MAF: variants seen among roughly 807,000 people sequenced by gnomAD.
MAF encodes transcription factor Maf.
In MAF, 10 loss-of-function variants were observed where a neutral mutation model predicts 22.0. The observed-to-expected ratio is 0.45, with a 90% CI of 0.28 to 0.77. The LOEUF (loss-of-function observed/expected upper bound fraction) is 0.77. MAF is among the 30% of genes least tolerant of loss of function. The pLI, the probability that MAF is intolerant of heterozygous loss-of-function variation, is 0.12. For synonymous variants in MAF, 337 were observed against 255.8 expected, an observed-to-expected ratio of 1.32 and a Z score of -3.03; for missense variants, 544 against 548.4, an observed-to-expected ratio of 0.99 and a Z score of 0.08.
At chr16:79,298,816 T>C in the MAF span, among the ~76,000 whole-genome samples, 31 of 152,238 alleles carry the variant, frequency 2.0e-4, no homozygotes, top group Non-Finnish European at 3.7e-4. Flanking sequence ...TTTGGAGGGC[T>C]TCCAGAGGCC....
the MAF span, among the ~76,000 whole-genome samples, chr16:79,355,620 A>G: frequency 1.3e-5 from 2 of 152,222 alleles, no homozygotes; most frequent in African/African-American, 2.4e-5. Context: ...GAGAATAAGC[A>G]TACAGTAGGG....
the MAF span, among the ~76,000 whole-genome samples, chr16:79,501,919 G>A: frequency 2.0e-5 from 3 of 152,182 alleles, no homozygotes; most frequent in East Asian, 5.8e-4. Context: ...CCAGCGGCTT[G>A]AAGGGCATCT....
At chr16:79,486,078 G>A in the MAF span, among the ~76,000 whole-genome samples, 1 of 152,168 alleles carries the variant, frequency 6.6e-6, no homozygotes, top group Non-Finnish European at 1.5e-5. Flanking sequence ...TAATAAACCT[G>A]ATTACGGAGT....
At chr16:79,214,626 T>A in the MAF span, among the ~76,000 whole-genome samples, 1 of 150,444 alleles carries the variant, frequency 6.6e-6, no homozygotes, top group Non-Finnish European at 1.5e-5. Context: ...AGGCTGGTCT[T>A]GAACTCCTGA....
At chr16:79,530,427 C>T in the MAF span, among the ~76,000 whole-genome samples, 1 of 152,098 alleles carries the variant, frequency 6.6e-6, no homozygotes, top group Non-Finnish European at 1.5e-5. Flanking sequence ...TATTGGGAAG[C>T]AGTTTTACTC....
the MAF span, among the ~76,000 whole-genome samples, chr16:79,546,086 A>G: frequency 3.3e-5 from 5 of 152,128 alleles, no homozygotes; most frequent in African/African-American, 1.2e-4. Context: ...TACATTGGAA[A>G]AAATAAACAA....
chr16:79,300,485 G>A, the MAF span, among the ~76,000 whole-genome samples: 2 of 152,096 alleles, frequency 1.3e-5, no homozygotes, highest in African/African-American at 4.8e-5. Flanking sequence ...AACCCGGGAG[G>A]TGGAGGTTGC....
the MAF span, among the ~76,000 whole-genome samples, chr16:79,461,994 C>G: frequency 1.3e-5 from 2 of 152,164 alleles, no homozygotes; most frequent in African/African-American, 4.8e-5. Flanking sequence ...CACCTGCCAC[C>G]CATTCCAGGA....
the MAF span, among the ~76,000 whole-genome samples, chr16:79,562,081 C>T: frequency 6.6e-6 from 1 of 152,192 alleles, no homozygotes; most frequent in African/African-American, 2.4e-5. Context: ...CCTTGCTCTA[C>T]TTGGAAAACA....
At chr16:79,303,043 A>C in the MAF span, among the ~76,000 whole-genome samples, 1 of 152,188 alleles carries the variant, frequency 6.6e-6, no homozygotes, top group African/African-American at 2.4e-5. Flanking sequence ...CTTTTATCTG[A>C]AACTGCAAAT....
chr16:79,349,589 C>G, the MAF span, among the ~76,000 whole-genome samples: 1 of 152,198 alleles, frequency 6.6e-6, no homozygotes. Context: ...TACGGCCTGC[C>G]TCTCCATAGG....
At chr16:79,435,042 C>A in the MAF span, among the ~76,000 whole-genome samples, 1 of 152,248 alleles carries the variant, frequency 6.6e-6, no homozygotes, top group South Asian at 2.1e-4. Flanking sequence ...TGTGGAGAAG[C>A]GAAGTGAGTT....
At chr16:79,431,169 C>G in the MAF span, among the ~76,000 whole-genome samples, 1 of 152,144 alleles carries the variant, frequency 6.6e-6, no homozygotes, top group Non-Finnish European at 1.5e-5. Flanking sequence ...CACCCCATCC[C>G]TCAACCAAGC....
the MAF span, among the ~76,000 whole-genome samples, chr16:79,414,269 T>C: frequency 6.6e-6 from 1 of 152,226 alleles, no homozygotes; most frequent in Non-Finnish European, 1.5e-5. Context: ...CTTACAGTTC[T>C]CAAGCTGTAC....
chr16:79,540,705 C>T, the MAF span, among the ~76,000 whole-genome samples: 1 of 152,150 alleles, frequency 6.6e-6, no homozygotes, highest in Non-Finnish European at 1.5e-5. Flanking sequence ...CAATGTAGAT[C>T]GAATTTTGCG....
At chr16:79,304,001 T>C in the MAF span, among the ~76,000 whole-genome samples, 2 of 152,230 alleles carry the variant, frequency 1.3e-5, no homozygotes, top group African/African-American at 2.4e-5. Flanking sequence ...TTTGGATACA[T>C]TCAGTGGAAA....
chr16:79,245,034 AC>A, the MAF span, among the ~76,000 whole-genome samples: 3 of 151,996 alleles, frequency 2.0e-5, no homozygotes, highest in Non-Finnish European at 2.9e-5. Flanking sequence ...CTGAAACTGG[AC>A]CCCTTCCTTA....
At position 79,598,455 on chromosome 16, in the gene MAF, T is replaced by TTA. The variant is rs1555529653; in HGVS notation, c.1118+329_1118+330insTA. The TTA allele has an allele frequency of 2.8e-5, 30 of 1,087,494 alleles. No individual in the cohort carries two copies. In the Admixed American group the frequency reaches 1.1e-3, roughly 41 times the overall value. The allele number at this position is 1,087,494 out of a possible 1,614,324, so 67.4% of individuals were successfully genotyped here. ...AGTCCGGGGGTGGGGCGGGGGGGTG[T>TTA]AAAAAAAAAAAAAAAACAAGCTAGC... On this transcript the variant is annotated intron_variant, in intron 1 of 1. Transcript: ENST00000326043.
the MAF span, among the ~76,000 whole-genome samples, chr16:79,568,099 A>G: frequency 1.3e-5 from 2 of 152,204 alleles, no homozygotes; most frequent in African/African-American, 4.8e-5. Context: ...TATGTTTTCA[A>G]ATGTTGGGGG....
Sources: allele counts gnomAD v4.1 joint callset (sites outside exome capture counted in the v4.1 genomes callset), GRCh38; gene constraint gnomAD v4.1.1; transcripts MANE v1.5; gene names NCBI Gene and HGNC (gene_info 2026-07-23, HGNC 2026-07-21).